The following FSTL4 variants were observed in gnomAD, a reference collection of about 807,000 sequenced individuals.
FSTL4 encodes follistatin-related protein 4.
Under a neutral mutation model 78.2 loss-of-function variants are expected in FSTL4, and 28 were observed. That is an observed-to-expected ratio of 0.36 (90% CI 0.27 to 0.49). The LOEUF is 0.49. FSTL4 is among the 20% of genes least tolerant of loss of function. The pLI is 0.98. For synonymous variants in FSTL4, 422 were observed against 440.5 expected, an observed-to-expected ratio of 0.96 and a Z score of 0.53; for missense variants, 922 against 1,084.9, an observed-to-expected ratio of 0.85 and a Z score of 2.11.
Position 133,225,281 on chromosome 5 carries a change from T to C in FSTL4, c.1181A>G (p.Asn394Ser), listed in dbSNP as rs149973559. The C allele has an allele frequency of 2.7e-4, 437 of 1,614,056 alleles. No homozygotes were observed. The highest frequency in any genetic ancestry group is 3.5e-4 in the Non-Finnish European group (409 of 1,180,026). ...QMSKQLSLLANGSELHISSVR... is the reference protein window; with the variant it reads ...QMSKQLSLLASGSELHISSVR... ...ACTGCTGATGTGGAGTTCGCTCCCA[T>C]TGGCTGCAGACAGGACAGTGCTCAG... Residue 394 changes from asparagine (N) to serine (S), a missense_variant, in exon 10 of 16, where the codon AAT (asparagine) becomes AGT (serine). Coordinates refer to ENST00000265342, the MANE Select transcript of FSTL4 (RefSeq NM_015082.2). The surrounding 1 kb of genome is among the most constrained non-coding windows in gnomAD (Gnocchi z 4.6).
the FSTL4 span, among the ~76,000 whole-genome samples, chr5:133,716,365 TTA>T: frequency 6.9e-6 from 1 of 144,384 alleles, no homozygotes; most frequent in Non-Finnish European, 1.5e-5. Context: ...CCTCATCAGT[TTA>T]TATAAGTTTA....
At chr5:133,733,856 C>T in the FSTL4 span, among the ~76,000 whole-genome samples, 3 of 152,236 alleles carry the variant, frequency 2.0e-5, no homozygotes, top group East Asian at 1.9e-4. Flanking sequence ...AAGGTCTGAC[C>T]GAGGCTTGGA....
At chr5:133,708,337 T>A in the FSTL4 span, among the ~76,000 whole-genome samples, 8 of 152,108 alleles carry the variant, frequency 5.3e-5, no homozygotes, top group African/African-American at 1.9e-4. Flanking sequence ...GCCCTTTTCA[T>A]CTCCTCCAGG....
intron 7 of FSTL4, chr5:133,248,021 A>C (rs752350117): frequency 6.6e-6 from 1 of 152,262 alleles, no homozygotes; most frequent in East Asian, 1.9e-4. Flanking sequence ...CTCCAAGGTC[A>C]CTGGGTTTAG....
At chr5:133,813,146 C>G in the FSTL4 span, among the ~76,000 whole-genome samples, 4 of 152,122 alleles carry the variant, frequency 2.6e-5, no homozygotes, top group Non-Finnish European at 5.9e-5. Context: ...GAGGAGAGTC[C>G]ACTCTCCTCC....
At chr5:133,264,219 G>A (rs1472763200) in intron 6 of FSTL4, among the ~76,000 whole-genome samples, 1 of 152,212 alleles carries the variant, frequency 6.6e-6, no homozygotes, top group Non-Finnish European at 1.5e-5. Context: ...GTTGAGAACT[G>A]TGCTATATAT....
chr5:133,554,858 C>T (rs1229352713), intron 3 of FSTL4, among the ~76,000 whole-genome samples: 3 of 152,276 alleles, frequency 2.0e-5, no homozygotes, highest in East Asian at 1.9e-4. Flanking sequence ...AGAATCAAAC[C>T]GCGCTGCTAG....
At chr5:133,725,037 G>C in the FSTL4 span, among the ~76,000 whole-genome samples, 6 of 152,130 alleles carry the variant, frequency 3.9e-5, no homozygotes, top group Non-Finnish European at 7.4e-5. Flanking sequence ...ATGTAAGGGA[G>C]GATTTCTGGA....
At chr5:133,795,941 C>T in the FSTL4 span, among the ~76,000 whole-genome samples, 5 of 152,194 alleles carry the variant, frequency 3.3e-5, no homozygotes, top group Non-Finnish European at 5.9e-5. Flanking sequence ...CGGGGTCTCC[C>T]AAGCCCTGAA....
intron 3 of FSTL4, among the ~76,000 whole-genome samples, chr5:133,503,081 T>C (rs182411640): frequency 3.3e-5 from 5 of 152,356 alleles, no homozygotes; most frequent in African/African-American, 1.2e-4. Context: ...ACTGTATCAA[T>C]GTAAAGTCAT....
chr5:133,717,609 T>A, the FSTL4 span, among the ~76,000 whole-genome samples: 1 of 152,212 alleles, frequency 6.6e-6, no homozygotes, highest in African/African-American at 2.4e-5. Context: ...CAAACAATAA[T>A]CTGCTTTCTG....
chr5:133,575,770 G>A (rs879901711), intron 2 of FSTL4, among the ~76,000 whole-genome samples: 1 of 152,172 alleles, frequency 6.6e-6, no homozygotes, highest in Non-Finnish European at 1.5e-5. Flanking sequence ...AAACCAGATG[G>A]TTATAAATGA....
chr5:133,625,587 C>T, the FSTL4 span, among the ~76,000 whole-genome samples: 1 of 148,898 alleles, frequency 6.7e-6, no homozygotes, highest in Admixed American at 6.8e-5. Flanking sequence ...GATTTTTCTC[C>T]ATTGGGTTTT....
chr5:133,219,229 T>C (rs1319334051), intron 12 of FSTL4, among the ~76,000 whole-genome samples: 1 of 152,178 alleles, frequency 6.6e-6, no homozygotes, highest in African/African-American at 2.4e-5. Flanking sequence ...TCTGTCTTTA[T>C]CTCAGAACCT....
At chr5:133,786,951 T>G in the FSTL4 span, among the ~76,000 whole-genome samples, 1 of 152,140 alleles carries the variant, frequency 6.6e-6, no homozygotes, top group Non-Finnish European at 1.5e-5. Flanking sequence ...GTAAGTGACT[T>G]GCTTGAGTTC....
At chr5:133,357,271 G>C (rs1754962077) in intron 4 of FSTL4, among the ~76,000 whole-genome samples, 1 of 152,158 alleles carries the variant, frequency 6.6e-6, no homozygotes, top group African/African-American at 2.4e-5. Flanking sequence ...CCCGTGCCCT[G>C]CCCTGCCCCT....
chr5:133,800,908 G>T, the FSTL4 span, among the ~76,000 whole-genome samples: 1 of 152,226 alleles, frequency 6.6e-6, no homozygotes, highest in African/African-American at 2.4e-5. Context: ...GGACTGCCTG[G>T]TGGTGGCAGG....
Position 133,247,712 on chromosome 5 carries a change from C to G in FSTL4, c.894+1698G>C, listed in dbSNP as rs868269770. 2.6e-5 allele frequency: 4 copies of G among 152,374 alleles called. No homozygotes were observed. The South Asian group carries it at 8.3e-4, about 32-fold the overall frequency. The allele number at this position is 152,374 out of a possible 1,614,324, so 9.4% of individuals were successfully genotyped here. On this transcript the variant is annotated intron_variant, in intron 7 of 15. Coordinates refer to ENST00000265342, the MANE Select transcript of FSTL4 (RefSeq NM_015082.2). ...ATCCAGCATCTGTCCAGCAAGCACC[C>G]ACCAGGATTGTGCTGCATTGACATT...
chr5:133,765,848 T>C, the FSTL4 span, among the ~76,000 whole-genome samples: 1 of 152,158 alleles, frequency 6.6e-6, no homozygotes, highest in Admixed American at 6.5e-5. Context: ...AGCAGCCATT[T>C]AGGAAGGAAG....
Sources: allele counts gnomAD v4.1 joint callset (sites outside exome capture counted in the v4.1 genomes callset), GRCh38; gene constraint gnomAD v4.1.1; non-coding constraint Gnocchi (gnomAD v3.1); transcripts MANE v1.5; gene names NCBI Gene and HGNC (gene_info 2026-07-23, HGNC 2026-07-21).